Variants in SEPSECS observed in about 807,000 individuals in gnomAD.
SEPSECS encodes the protein Sep (O-phosphoserine) tRNA:Sec (selenocysteine) tRNA synthase.
Under a neutral mutation model 52.1 loss-of-function variants are expected in SEPSECS, and 42 were observed. That is an observed-to-expected ratio of 0.81 (90% CI 0.63 to 1.04). The LOEUF (loss-of-function observed/expected upper bound fraction) is 1.04, where lower values mean the gene tolerates loss of function less well. Ranked by LOEUF, SEPSECS falls within the 50% of genes least tolerant of loss-of-function variation. SEPSECS has a pLI of 0.00. For synonymous variants in SEPSECS, 216 were observed against 211.4 expected (o/e 1.02, Z -0.19); for missense variants, 590 against 610.6 (o/e 0.97, Z 0.36).
Position 25,121,544 on chromosome 4 carries a change from T to C in SEPSECS, c.*2387A>G, listed in dbSNP as rs370574629. On this transcript the variant is annotated 3_prime_UTR_variant, in exon 11 of 11. Coordinates refer to ENST00000382103, the MANE Select transcript of SEPSECS (RefSeq NM_016955.4). ...GTACTAGCGAATTATAATAAATACATCCTTTTTAATACTTATGTGTAGAAA... is the reference window on the plus strand; with the variant it reads ...GTACTAGCGAATTATAATAAATACACCCTTTTTAATACTTATGTGTAGAAA... 3.9e-5 allele frequency: 6 copies of C among 152,288 alleles called. No individual in the cohort carries two copies. Among genetic ancestry groups the C allele is most frequent in the African/African-American group, 1.4e-4 (6 of 41,568 alleles). The allele number at this position is 152,288 out of a possible 1,614,324, so 9.4% of individuals were successfully genotyped here. A position where few individuals can be genotyped will look rare whatever the true frequency, so the allele number is the denominator to read the frequency against.
At chr4:25,155,945 GTTAGT>G in intron 4 of SEPSECS, 87 bp downstream of exon 4, 1 of 1,201,532 alleles carries the variant, frequency 8.3e-7, no homozygotes, top group Non-Finnish European at 1.2e-6. Context: ...AGGGAAGAGA[GTTAGT>G]TTATTTTTCA....
intron 5 of SEPSECS, among the ~76,000 whole-genome samples, chr4:25,153,337 G>T (rs980038198): frequency 8.6e-5 from 13 of 151,122 alleles, no homozygotes; most frequent in Admixed American, 4.0e-4. Context: ...TGAAAATAAG[G>T]CTCCATAACA....
rs758778198 is a variant in SEPSECS, at chr4:25,160,397, G to A, written c.-28C>T. ...CAGCGGTGGCGACAGTGGCGAATAA[G>A]CGGGAGCACTAGCTCCACACGCCAG... is the stretch of plus-strand genomic sequence containing the variant. On this transcript the variant is annotated 5_prime_UTR_variant, in exon 1 of 11. Transcript: ENST00000382103. The A allele has an allele frequency of 6.5e-7, 1 of 1,527,534 alleles. No individual in the cohort carries two copies. Among genetic ancestry groups the A allele is most frequent in the Non-Finnish European group, 8.9e-7 (1 of 1,127,526 alleles). The allele number at this position is 1,527,534 out of a possible 1,614,324, so 94.6% of individuals were successfully genotyped here.
intron 6 of SEPSECS, 67 bp from the exon 7 acceptor site, chr4:25,145,200 A>G: frequency 6.6e-7 from 1 of 1,508,360 alleles, no homozygotes; most frequent in Non-Finnish European, 9.2e-7. Flanking sequence ...ACAAACAAAT[A>G]CCACAACAAA....
At chr4:25,137,749 T>C (rs1308896896) in intron 8 of SEPSECS, among the ~76,000 whole-genome samples, 3 of 152,148 alleles carry the variant, frequency 2.0e-5, no homozygotes, top group Admixed American at 1.3e-4. Flanking sequence ...TATTCTATTA[T>C]AAAGATACAT....
Position 25,120,157 on chromosome 4 carries a change from G to T in SEPSECS, c.*3774C>A, listed in dbSNP as rs1409724716. On this transcript the variant is annotated 3_prime_UTR_variant, in exon 11 of 11. Coordinates refer to ENST00000382103, the MANE Select transcript of SEPSECS (RefSeq NM_016955.4). ...GCTGACATCAGCTTCATATTCTCAT[G>T]GCTAAAATCCCCCACGGTTATACAG... is the stretch of plus-strand genomic sequence containing the variant. 2 of 151,988 alleles carry T rather than the reference G, an allele frequency of 1.3e-5. No homozygotes were observed. Among genetic ancestry groups the T allele is most frequent in the African/African-American group, 4.8e-5 (2 of 41,398 alleles). 9.4% of individuals were successfully genotyped at this position (151,988 alleles called of 1,614,324 possible). A position where few individuals can be genotyped will look rare whatever the true frequency, so the allele number is the denominator to read the frequency against.
intron 1 of SEPSECS, chr4:25,159,375 C>G (rs1712902011): frequency 4.4e-6 from 2 of 450,796 alleles, no homozygotes; most frequent in East Asian, 8.6e-5. Context: ...GTGAAACTAA[C>G]TGAAAACCAA....
chr4:25,124,030 ACT>A lies in SEPSECS; in HGVS notation c.1405_1406del (p.Ser469Ter). On this transcript the variant is annotated frameshift_variant, in exon 11 of 11. Coordinates refer to ENST00000382103, the MANE Select transcript of SEPSECS (RefSeq NM_016955.4). LOFTEE classifies it high-confidence loss of function. ...KAVRKERSKE[S>X]DDNYDKTEDV... Reference sequence around the variant, plus strand: ...CTTCAGTTTTGTCATAATTGTCATCACTCTCTTTACTTCGTTCTTTTCTTACT... The same window carrying A: ...CTTCAGTTTTGTCATAATTGTCATCACTCTTTACTTCGTTCTTTTCTTACT... 1 of 1,613,380 alleles carries A rather than the reference ACT, an allele frequency of 6.2e-7. No homozygotes were observed. The highest frequency in any genetic ancestry group is 8.5e-7 in the Non-Finnish European group (1 of 1,179,576).
intron 6 of SEPSECS, among the ~76,000 whole-genome samples, chr4:25,148,316 GCA>G (rs974326162): frequency 3.1e-5 from 4 of 130,172 alleles, no homozygotes; most frequent in African/African-American, 1.2e-4. Flanking sequence ...TCGCGCTACT[GCA>G]CTCCAGCCTG....
chr4:25,145,176 G>A lies in SEPSECS; in HGVS notation c.805-43C>T, dbSNP rs796444074. ...TTACATATTAGTTGCTAGGAAAACAGACAACTGCTATTAACAAACAAATAC... is the reference window on the plus strand; with the variant it reads ...TTACATATTAGTTGCTAGGAAAACAAACAACTGCTATTAACAAACAAATAC... On this transcript the variant is annotated intron_variant, in intron 6 of 10. Coordinates refer to ENST00000382103, the MANE Select transcript of SEPSECS (RefSeq NM_016955.4). The A allele has an allele frequency of 1.9e-6, 3 of 1,602,746 alleles. No individual in the cohort carries two copies. The African/African-American group carries it at 4.0e-5, about 21-fold the overall frequency.
chr4:25,155,072 G>T lies in SEPSECS; in HGVS notation c.627C>A (p.Val209=). 6.2e-7 allele frequency: 1 copy of T among 1,614,112 alleles called. No individual in the cohort carries two copies. Among genetic ancestry groups the T allele is most frequent in the Non-Finnish European group, 8.5e-7 (1 of 1,179,982 alleles). The change falls in exon 5 of 11, where the codon GTC becomes GTA. Residue 209 remains valine (V), a synonymous_variant. Coordinates refer to ENST00000382103, the MANE Select transcript of SEPSECS (RefSeq NM_016955.4). ...GAATGCAATCAGGCCCAAGTTCCTG[G>T]ACTTTAGCCTCCACTGCTTTCAGGT... ...RTDLKAVEAK[V]QELGPDCILC... is the part of the protein sequence containing the mutation.
intron 8 of SEPSECS, among the ~76,000 whole-genome samples, chr4:25,133,263 TAAAAGG>T (rs1405316387): frequency 6.6e-6 from 1 of 152,152 alleles, no homozygotes; most frequent in Non-Finnish European, 1.5e-5. Context: ...TATATCTAGA[TAAAAGG>T]AAAAGAACAA....
In SEPSECS at chr4:25,155,010, C is replaced by A; in HGVS notation, c.689G>T (p.Arg230Met). Residue 230 changes from arginine (R) to methionine (M), a missense_variant, in exon 5 of 11, where the codon AGG (arginine) becomes ATG (methionine). By Grantham distance (91) the Arg-to-Met change is moderately conservative (BLOSUM62 -1). Coordinates refer to ENST00000382103, the MANE Select transcript of SEPSECS (RefSeq NM_016955.4). ...ACAAATCATTTACCTATCAGGCACC[C>A]TTGGAGCAAAACAGGATGTAGTAGA... ...IHSTTSCFAPRVPDRLEELAV... is the reference protein window; with the variant it reads ...IHSTTSCFAPMVPDRLEELAV... The A allele has an allele frequency of 6.2e-7, 1 of 1,614,072 alleles. No individual in the cohort carries two copies. Among genetic ancestry groups the A allele is most frequent in the Non-Finnish European group, 8.5e-7 (1 of 1,179,966 alleles).
intron 6 of SEPSECS, among the ~76,000 whole-genome samples, chr4:25,151,236 A>C (rs1455072039): frequency 6.6e-6 from 1 of 152,234 alleles, no homozygotes; most frequent in Non-Finnish European, 1.5e-5. Flanking sequence ...GACCTAAAGA[A>C]AGCTACGCAA....
intron 6 of SEPSECS, among the ~76,000 whole-genome samples, chr4:25,146,114 C>T (rs569079943): frequency 6.6e-6 from 1 of 152,342 alleles, no homozygotes; most frequent in South Asian, 2.1e-4. Context: ...AATAGAGATA[C>T]TGTCTAAATT....
rs747203247 is a variant in SEPSECS at position 25,156,848 on chromosome 4, G to A, written c.388+8C>T. The A allele has an allele frequency of 2.8e-6, 4 of 1,415,752 alleles. No homozygotes were observed. The highest frequency in any genetic ancestry group is 1.8e-4 in the Middle Eastern group (1 of 5,702). 87.7% of individuals were successfully genotyped at this position (1,415,752 alleles called of 1,614,324 possible). ...AGCCAAAAGCATTATGATTAAGACGGTACATACCAGCCAGCTTTATAATGT... is the reference window on the plus strand; with the variant it reads ...AGCCAAAAGCATTATGATTAAGACGATACATACCAGCCAGCTTTATAATGT... On this transcript the variant is annotated splice_region_variant and intron_variant, in intron 3 of 10. Transcript: ENST00000382103.
intron 6 of SEPSECS, among the ~76,000 whole-genome samples, chr4:25,147,960 T>C (rs1257368396): frequency 2.0e-5 from 3 of 152,154 alleles, no homozygotes; most frequent in Non-Finnish European, 2.9e-5. Flanking sequence ...TACAGGACCT[T>C]AGGGAAGTCA....
intron 8 of SEPSECS, among the ~76,000 whole-genome samples, chr4:25,142,451 T>A (rs1711627797): frequency 6.6e-6 from 1 of 152,214 alleles, no homozygotes; most frequent in South Asian, 2.1e-4. Context: ...TTATTGCTGG[T>A]TTCCCCCATA....
Position 25,123,872 on chromosome 4 carries a change from T to C in SEPSECS, c.*59A>G. 1 of 1,413,502 alleles carries C rather than the reference T, an allele frequency of 7.1e-7. No individual in the cohort carries two copies. The highest frequency in any genetic ancestry group is 1.0e-6 in the Non-Finnish European group (1 of 999,924). The allele number at this position is 1,413,502 out of a possible 1,614,324, so 87.6% of individuals were successfully genotyped here. ...ATCTCAAGTCTTATCTTTAAACTGC[T>C]TGCTTGTACTACAGCCTTATCATTT... On this transcript the variant is annotated 3_prime_UTR_variant, in exon 11 of 11. Transcript: ENST00000382103.
Sources: gnomAD v4.1 joint callset for allele counts (sites outside exome capture counted in the v4.1 genomes callset) on GRCh38, gnomAD v4.1.1 for gene constraint, MANE v1.5 for transcripts, NCBI Gene and HGNC (gene_info 2026-07-23, HGNC 2026-07-21) for gene names.